Variants in CDH12 observed in about 807,000 individuals in gnomAD.
The protein encoded by CDH12 is cadherin 12.
A neutral mutation model predicts 74.1 loss-of-function variants in CDH12; 41 were observed. The observed-to-expected ratio is 0.55, with a 90% CI of 0.43 to 0.72. The LOEUF (loss-of-function observed/expected upper bound fraction) is 0.72. Ranked by LOEUF, CDH12 falls within the 30% of genes least tolerant of loss-of-function variation. CDH12 has a pLI of 0.00. For missense variants in CDH12, 945 were observed against 977.2 expected (o/e 0.97, Z 0.44); for synonymous variants, 399 against 355.0 (o/e 1.12, Z -1.39).
intron 7 of CDH12, among the ~76,000 whole-genome samples, chr5:21,847,185 C>G (rs775608174): frequency 1.3e-5 from 2 of 152,072 alleles, no homozygotes; most frequent in Non-Finnish European, 2.9e-5. Flanking sequence ...CTACAACTCC[C>G]TCCCTCATTC....
At position 22,116,949 on chromosome 5, in the gene CDH12, AT is replaced by A. The variant is rs1052866181; in HGVS notation, c.-186-38088del. Among the ~76,000 whole-genome samples the A allele has an allele frequency of 6.9e-3, 791 of 114,530 alleles. 7 individuals carry two copies. Among genetic ancestry groups the A allele is most frequent in the African/African-American group, 0.023 (709 of 30,560 alleles). 75.1% of individuals were successfully genotyped at this position (114,530 alleles called of 152,430 possible). A position where few individuals can be genotyped will look rare whatever the true frequency, so the allele number is the denominator to read the frequency against. On this transcript the variant is annotated intron_variant, in intron 4 of 14. Coordinates refer to ENST00000382254, the MANE Select transcript of CDH12 (RefSeq NM_004061.5). ...AAGTACCTTGATTGCTCTGATACAT[AT>A]TTTTTTTTCCCTCTTTTTTCTTTTT... is the stretch of plus-strand genomic sequence containing the variant.
At chr5:21,753,623 G>A (rs1022000675) in intron 14 of CDH12, among the ~76,000 whole-genome samples, 36 of 152,216 alleles carry the variant, frequency 2.4e-4, no homozygotes, top group Non-Finnish European at 1.5e-5. Flanking sequence ...AGGAGTGTGA[G>A]ATTGCTCAAG....
chr5:22,441,960 T>C (rs1744642377), intron 2 of CDH12, among the ~76,000 whole-genome samples: 1 of 152,130 alleles, frequency 6.6e-6, no homozygotes, highest in South Asian at 2.1e-4. Context: ...TGCCTTGGCC[T>C]CCCAAAGTGC....
intron 1 of CDH12, among the ~76,000 whole-genome samples, chr5:22,714,172 T>G (rs1481628562): frequency 6.6e-6 from 1 of 152,224 alleles, no homozygotes; most frequent in Non-Finnish European, 1.5e-5. Flanking sequence ...TCCTCTTGAT[T>G]GCCTTCCTCC....
intron 1 of CDH12, among the ~76,000 whole-genome samples, chr5:22,641,036 T>C (rs1427302381): frequency 2.6e-5 from 4 of 152,190 alleles, no homozygotes; most frequent in Admixed American, 2.6e-4. Context: ...GTTAGGGTTC[T>C]CTAGAGAGAT....
At chr5:22,043,355 T>G (rs1486028745) in intron 5 of CDH12, among the ~76,000 whole-genome samples, 1 of 152,202 alleles carries the variant, frequency 6.6e-6, no homozygotes, top group Admixed American at 6.5e-5. Context: ...CATATGATCA[T>G]TTCAATAGAT....
At chr5:22,712,817 A>G (rs1378127972) in intron 1 of CDH12, among the ~76,000 whole-genome samples, 1 of 152,188 alleles carries the variant, frequency 6.6e-6, no homozygotes, top group African/African-American at 2.4e-5. Flanking sequence ...CTCTCCAGAA[A>G]TCATTTTCCC....
chr5:22,330,313 T>A (rs1053592025), intron 3 of CDH12, among the ~76,000 whole-genome samples: 5 of 152,068 alleles, frequency 3.3e-5, no homozygotes, highest in Non-Finnish European at 7.4e-5. Flanking sequence ...TATTACCTGC[T>A]GACTAAAGAA....
At chr5:21,880,616 CTTCTTTCTTTCT>C (rs201513323) in intron 6 of CDH12, among the ~76,000 whole-genome samples, 593 of 50,778 alleles carry the variant, frequency 0.012, 20 homozygotes, top group Middle Eastern at 0.037. Flanking sequence ...TCCTTCCTTC[CTTCTTTCTTTCT>C]TTCTTTCTTT....
chr5:22,742,640 A>C (rs1384566465), intron 1 of CDH12, among the ~76,000 whole-genome samples: 1 of 151,986 alleles, frequency 6.6e-6, no homozygotes, highest in Non-Finnish European at 1.5e-5. Flanking sequence ...TGCCTGAATT[A>C]ATTAACAGAC....
intron 3 of CDH12, among the ~76,000 whole-genome samples, chr5:22,384,636 C>T (rs1256659607): frequency 1.3e-5 from 2 of 151,896 alleles, no homozygotes; most frequent in African/African-American, 4.8e-5. Context: ...GCTTATGTTC[C>T]TCAGTAACAA....
intron 3 of CDH12, among the ~76,000 whole-genome samples, chr5:22,280,215 G>A (rs1561278684): frequency 6.6e-6 from 1 of 152,038 alleles, no homozygotes; most frequent in Non-Finnish European, 1.5e-5. Flanking sequence ...CCCACTTTTT[G>A]ATGGGGTTGT....
At chr5:22,425,493 T>G (rs1170281353) in intron 2 of CDH12, among the ~76,000 whole-genome samples, 2 of 151,910 alleles carry the variant, frequency 1.3e-5, no homozygotes, top group Non-Finnish European at 2.9e-5. Context: ...TAGTTTGAAC[T>G]ATTTTGTATT....
chr5:21,944,812 A>G (rs1181202648), intron 6 of CDH12, among the ~76,000 whole-genome samples: 1 of 151,996 alleles, frequency 6.6e-6, no homozygotes, highest in African/African-American at 2.4e-5. Flanking sequence ...TCAGTACCCT[A>G]CTTTTGCCAT....
intron 1 of CDH12, among the ~76,000 whole-genome samples, chr5:22,780,321 T>G (rs1747322368): frequency 6.6e-6 from 1 of 152,118 alleles, no homozygotes; most frequent in African/African-American, 2.4e-5. Context: ...AGTCCAGGAT[T>G]TCAAGGCTGC....
intron 4 of CDH12, among the ~76,000 whole-genome samples, chr5:22,204,162 G>GGTTTTTTTT (rs1554020485): frequency 8.5e-5 from 11 of 129,840 alleles, no homozygotes; most frequent in Non-Finnish European, 1.0e-4. Context: ...TGTTTTGTTT[G>GGTTTTTTTT]TTTTTTTTTT....
chr5:22,487,445 A>G (rs565053622), intron 2 of CDH12, among the ~76,000 whole-genome samples: 2 of 152,302 alleles, frequency 1.3e-5, no homozygotes, highest in South Asian at 4.1e-4. Flanking sequence ...AAAATCAGGG[A>G]TTTCCTGGAT....
At chr5:22,562,586 A>T (rs1246180447) in intron 1 of CDH12, among the ~76,000 whole-genome samples, 1 of 149,948 alleles carries the variant, frequency 6.7e-6, no homozygotes, top group Non-Finnish European at 1.5e-5. Context: ...ACTGGAAGGG[A>T]TTTTTTTTTT....
chr5:21,873,888 G>A (rs902792178), intron 6 of CDH12, among the ~76,000 whole-genome samples: 1 of 9,088 alleles, frequency 1.1e-4, no homozygotes, highest in African/African-American at 4.2e-4. Flanking sequence ...ACTTTTCTGA[G>A]GATAATAGCT....
Sources: gnomAD v4.1 joint callset for allele counts (sites outside exome capture counted in the v4.1 genomes callset) on GRCh38, gnomAD v4.1.1 for gene constraint, MANE v1.5 for transcripts, NCBI Gene and HGNC (gene_info 2026-07-23, HGNC 2026-07-21) for gene names.